Variants in BCL7C observed in about 807,000 individuals in gnomAD.
The protein encoded by BCL7C is B-cell CLL/lymphoma 7 protein family member C.
Under a neutral mutation model 26.2 loss-of-function variants are expected in BCL7C, and 8 were observed. The ratio of observed to expected loss-of-function variants is 0.30; its 90% CI spans 0.18 to 0.55. BCL7C has a LOEUF of 0.55. Ranked by LOEUF, BCL7C falls within the 20% of genes least tolerant of loss-of-function variation. The pLI is 0.93. For missense variants in BCL7C, 262 were observed against 298.5 expected (o/e 0.88, Z 0.90); for synonymous variants, 90 against 116.5 (o/e 0.77, Z 1.47).
chr16:30,892,236 A>G (rs1460073309), intron 4 of BCL7C, among the ~76,000 whole-genome samples: 2 of 131,562 alleles, frequency 1.5e-5, no homozygotes, highest in Non-Finnish European at 3.1e-5. Context: ...CCACTATACT[A>G]CTCCAGCCTG....
chr16:30,878,400 GT>G (rs777830833), intron 5 of BCL7C, among the ~76,000 whole-genome samples: 1 of 49,082 alleles, frequency 2.0e-5, no homozygotes, highest in Admixed American at 4.9e-4. Flanking sequence ...TTAGCTGGGT[GT>G]GGTGGCACGC....
At chr16:30,874,188 G>A (rs1467360545) in intron 5 of BCL7C, among the ~76,000 whole-genome samples, 2 of 151,764 alleles carry the variant, frequency 1.3e-5, no homozygotes, top group Non-Finnish European at 2.9e-5. Context: ...TAGAGACAGG[G>A]TTTCACCATG....
intron 5 of BCL7C, among the ~76,000 whole-genome samples, chr16:30,845,919 A>G (rs977559959): frequency 6.6e-6 from 1 of 151,538 alleles, no homozygotes; most frequent in African/African-American, 2.4e-5. Context: ...AGCCTGGCCA[A>G]CGTGGTGAAA....
chr16:30,866,892 A>G (rs1050807841), intron 5 of BCL7C, among the ~76,000 whole-genome samples: 17 of 152,100 alleles, frequency 1.1e-4, no homozygotes, highest in Admixed American at 7.9e-4. Context: ...CTTCTCTACA[A>G]AAAGTTTAAA....
intron 2 of BCL7C, 46 bp from the exon 3 acceptor site, chr16:30,892,994 A>G (rs765861182): frequency 2.1e-5 from 33 of 1,555,270 alleles, no homozygotes; most frequent in Non-Finnish European, 2.3e-5. Context: ...AAGCCCCACC[A>G]TACACCTAAG....
downstream of BCL7C, among the ~76,000 whole-genome samples, chr16:30,885,000 A>G (rs2055109565): frequency 1.3e-5 from 2 of 152,184 alleles, no homozygotes; most frequent in Admixed American, 1.3e-4. Flanking sequence ...GAGGGGAGTC[A>G]TGAGGTGGCC....
At chr16:30,890,124 G>C (rs1035510558) in intron 4 of BCL7C, among the ~76,000 whole-genome samples, 1 of 151,986 alleles carries the variant, frequency 6.6e-6, no homozygotes, top group East Asian at 1.9e-4. Flanking sequence ...GGCTGGGCAC[G>C]GTGGCTCAAG....
chr16:30,878,178 A>C (rs903076546), intron 5 of BCL7C, among the ~76,000 whole-genome samples: 2 of 150,156 alleles, frequency 1.3e-5, no homozygotes, highest in African/African-American at 4.9e-5. Context: ...CAAGACTCAA[A>C]AAAACAAAAC....
At chr16:30,889,641 A>G (rs1053524932) in intron 4 of BCL7C, among the ~76,000 whole-genome samples, 1 of 152,118 alleles carries the variant, frequency 6.6e-6, no homozygotes, top group Non-Finnish European at 1.5e-5. Context: ...GGCATGTGCC[A>G]CCACGTCCCG....
At chr16:30,861,839 G>A (rs1365001604) in intron 5 of BCL7C, among the ~76,000 whole-genome samples, 2 of 149,040 alleles carry the variant, frequency 1.3e-5, no homozygotes, top group East Asian at 3.9e-4. Context: ...CAATTCTGGT[G>A]CCAACTTGGA....
At position 30,834,848 on chromosome 16, in the gene BCL7C, G is replaced by A; in HGVS notation, c.*100C>T. The A allele has an allele frequency of 8.2e-7, 1 of 1,213,048 alleles. No individual in the cohort carries two copies. The highest frequency in any genetic ancestry group is 1.1e-6 in the Non-Finnish European group (1 of 891,236). The allele number at this position is 1,213,048 out of a possible 1,614,324, so 75.1% of individuals were successfully genotyped here. ...GCCCTCCGATGTTACCGCGGTGGGT[G>A]AGCTGGGAAGCTCTTTCCGCCCTCG... On this transcript the variant is annotated 3_prime_UTR_variant, in exon 6 of 6. Coordinates refer to the BCL7C transcript ENST00000380317. This position sits in a 1 kb window ranked among gnomAD's most constrained non-coding sequence, Gnocchi z 4.3.
At chr16:30,881,421 CACACAA>C (rs1053598296) in intron 5 of BCL7C, among the ~76,000 whole-genome samples, 22 of 150,966 alleles carry the variant, frequency 1.5e-4, no homozygotes, top group African/African-American at 5.3e-4. Flanking sequence ...CACACACACA[CACACAA>C]CAAAAAATTA....
chr16:30,837,568 A>C (rs1207419226), intron 5 of BCL7C, among the ~76,000 whole-genome samples: 2 of 151,764 alleles, frequency 1.3e-5, no homozygotes, highest in African/African-American at 4.8e-5. Flanking sequence ...GGCTGGTCTC[A>C]AACTCCTGAC....
intron 5 of BCL7C, among the ~76,000 whole-genome samples, chr16:30,838,756 G>A (rs955447492): frequency 1.2e-4 from 19 of 152,238 alleles, no homozygotes; most frequent in African/African-American, 4.3e-4. Context: ...CTGCACTCCA[G>A]CCTGGGTGAC....
chr16:30,863,333 C>T (rs2054794189), intron 5 of BCL7C, among the ~76,000 whole-genome samples: 1 of 152,200 alleles, frequency 6.6e-6, no homozygotes, highest in Non-Finnish European at 1.5e-5. Context: ...CAGGCCCTCA[C>T]TCTTGCAAGG....
rs1191930527 is a variant in BCL7C, at chr16:30,893,600, A to G, written c.92+253T>C. On this transcript the variant is annotated intron_variant, in intron 1 of 5. Transcript: ENST00000215115. This position sits in a 1 kb window ranked among gnomAD's most constrained non-coding sequence, Gnocchi z 5.2. ...GCAGATCCTGGGGCGCACCTGCAGG[A>G]GGGGTGTCAAAGCTTTAGGGGGCGG... Among the ~76,000 whole-genome samples the G allele has an allele frequency of 6.6e-6, 1 of 151,534 alleles. No individual in the cohort carries two copies. Among genetic ancestry groups the G allele is most frequent in the Non-Finnish European group, 1.5e-5 (1 of 67,866 alleles).
chr16:30,865,022 G>A (rs1056611574), intron 5 of BCL7C, among the ~76,000 whole-genome samples: 1 of 151,626 alleles, frequency 6.6e-6, no homozygotes, highest in Non-Finnish European at 1.5e-5. Context: ...CAAAAAGTTA[G>A]CCAGGCGTGG....
chr16:30,871,031 C>T (rs967339933), intron 5 of BCL7C, among the ~76,000 whole-genome samples: 2 of 152,174 alleles, frequency 1.3e-5, no homozygotes, highest in Admixed American at 6.5e-5. Flanking sequence ...CATAGTAACT[C>T]GGTGGCAGTT....
At chr16:30,871,667 T>C (rs750593861) in intron 5 of BCL7C, among the ~76,000 whole-genome samples, 3 of 152,124 alleles carry the variant, frequency 2.0e-5, no homozygotes, top group Non-Finnish European at 4.4e-5. Context: ...GCATTTTTAG[T>C]AGAGACAGGG....
Sources: gnomAD v4.1 joint callset for allele counts (sites outside exome capture counted in the v4.1 genomes callset) on GRCh38, gnomAD v4.1.1 for gene constraint, Gnocchi (gnomAD v3.1) non-coding constraint, MANE v1.5 for transcripts, NCBI Gene and HGNC (gene_info 2026-07-23, HGNC 2026-07-21) for gene names.